SFI1: variants seen among roughly 807,000 people sequenced by gnomAD.
The protein encoded by SFI1 is SFI1 centrin binding protein.
Under a neutral mutation model 207.5 loss-of-function variants are expected in SFI1, and 195 were observed. The observed-to-expected ratio is 0.94, with a 90% CI of 0.84 to 1.06. SFI1 has a LOEUF of 1.06. SFI1 is among the 50% of genes least tolerant of loss of function. The pLI is 0.00. For missense variants in SFI1, 1,634 were observed against 1,588.0 expected, an observed-to-expected ratio of 1.03 and a Z score of -0.49; for synonymous variants, 630 against 598.9, an observed-to-expected ratio of 1.05 and a Z score of -0.76.
chr22:31,584,962 C>T, intron 13 of SFI1, 106 bp from the exon 14 acceptor site: 1 of 777,350 alleles, frequency 1.3e-6, no homozygotes, highest in Non-Finnish European at 2.1e-6. Context: ...CTAGTAAGCC[C>T]ATGGGGTGCC....
intron 4 of SFI1, among the ~76,000 whole-genome samples, chr22:31,532,808 ACTT>A (rs2058648429): frequency 6.6e-6 from 1 of 152,054 alleles, no homozygotes; most frequent in South Asian, 2.1e-4. Flanking sequence ...AAGAGAAAAA[ACTT>A]ACTTGCAAGG....
In SFI1 at chr22:31,508,313, T is replaced by C. The variant is rs761304885; in HGVS notation, c.29T>C (p.Ile10Thr). 9 of 1,613,202 alleles carry C rather than the reference T, an allele frequency of 5.6e-6. No individual in the cohort carries two copies. In the Admixed American group the frequency reaches 1.5e-4, roughly 27 times the overall value. Residue 10 changes from isoleucine (I) to threonine (T), a missense_variant, in exon 2 of 33, where the codon ATA (isoleucine) becomes ACA (threonine). Ile to Thr is a moderately conservative substitution (Grantham distance 89). Transcript: ENST00000400288. MKNLLTEKCISSHNFHQKVI... is the reference protein window; with the variant it reads MKNLLTEKCTSSHNFHQKVI... ...AAGAATCTGCTCACTGAGAAGTGTA[T>C]ATCAAGCCACAATTTCCATCAAAAA...
At chr22:31,612,994 CCAGGCACAAGGCTGG>C in intron 24 of SFI1, 133 bp from the exon 25 acceptor site, 1 of 744,252 alleles carries the variant, frequency 1.3e-6, no homozygotes, top group Non-Finnish European at 2.2e-6. Flanking sequence ...CATCTCACCG[CCAGGCACAAGGCTGG>C]CCCTTCCTAG....
intron 2 of SFI1, among the ~76,000 whole-genome samples, chr22:31,518,059 G>T (rs567560773): frequency 1.3e-5 from 2 of 152,006 alleles, no homozygotes; most frequent in African/African-American, 4.8e-5. Context: ...CAATCTTGGC[G>T]CACTGCAATG....
rs1424077848 is a variant in SFI1, at chr22:31,496,572, G to T, written c.-96G>T. On this transcript the variant is annotated 5_prime_UTR_variant, in exon 1 of 33. Transcript: ENST00000400288. ...GGACCGCGCGGGAGTTAAGAAGCAG[G>T]TCCCGGATCGCCGTATACCGCCGGG... 1 of 152,258 alleles carries T rather than the reference G, an allele frequency of 6.6e-6. No individual in the cohort carries two copies. The highest frequency in any genetic ancestry group is 1.9e-4 in the East Asian group (1 of 5,176). 9.4% of individuals were successfully genotyped at this position (152,258 alleles called of 1,614,324 possible). A position where few individuals can be genotyped will look rare whatever the true frequency, so the allele number is the denominator to read the frequency against.
chr22:31,568,891 T>G (rs1268661910), intron 8 of SFI1, among the ~76,000 whole-genome samples: 1 of 152,150 alleles, frequency 6.6e-6, no homozygotes, highest in Admixed American at 6.6e-5. Context: ...CCCAGTAGAT[T>G]GAAAACATCA....
At chr22:31,512,822 G>A (rs1159277583) in intron 2 of SFI1, among the ~76,000 whole-genome samples, 6 of 152,118 alleles carry the variant, frequency 3.9e-5, no homozygotes, top group Non-Finnish European at 8.8e-5. Flanking sequence ...AAGTACCTGG[G>A]ACTACAGGCG....
chr22:31,570,556 GA>G (rs1361759303), intron 8 of SFI1, among the ~76,000 whole-genome samples: 1 of 152,156 alleles, frequency 6.6e-6, no homozygotes, highest in Non-Finnish European at 1.5e-5. Context: ...GCCAGGATGG[GA>G]GGTACATTTG....
chr22:31,507,487 A>T (rs749592626), intron 1 of SFI1, among the ~76,000 whole-genome samples: 19 of 152,230 alleles, frequency 1.2e-4, no homozygotes, highest in Non-Finnish European at 2.5e-4. Context: ...ATTGCAACAG[A>T]ATCACAAATT....
chr22:31,509,542 T>C (rs1325542885), intron 2 of SFI1, among the ~76,000 whole-genome samples: 3 of 152,204 alleles, frequency 2.0e-5, no homozygotes, highest in African/African-American at 7.2e-5. Context: ...CTGCCTGCTT[T>C]TCCTAGTGGT....
At chr22:31,534,838 T>C (rs1208936396) in intron 4 of SFI1, among the ~76,000 whole-genome samples, 1 of 152,008 alleles carries the variant, frequency 6.6e-6, no homozygotes, top group East Asian at 1.9e-4. Context: ...TGTGTTATTC[T>C]GCTCCTTATC....
chr22:31,573,784 G>A (rs1006841406), intron 9 of SFI1, among the ~76,000 whole-genome samples: 1 of 152,146 alleles, frequency 6.6e-6, no homozygotes, highest in African/African-American at 2.4e-5. Flanking sequence ...TTTGCTATAA[G>A]TATTGTAATT....
chr22:31,566,429 G>A (rs1216057174), intron 8 of SFI1, among the ~76,000 whole-genome samples: 2 of 152,064 alleles, frequency 1.3e-5, no homozygotes, highest in Non-Finnish European at 2.9e-5. Context: ...TCTGTTTCTC[G>A]GCTCTGTCTT....
chr22:31,496,981 G>A (rs957205223), intron 1 of SFI1, among the ~76,000 whole-genome samples: 2 of 152,206 alleles, frequency 1.3e-5, no homozygotes, highest in African/African-American at 4.8e-5. Context: ...TAGCGTGCGC[G>A]GATCCAAATC....
At chr22:31,528,577 T>C in intron 2 of SFI1, 113 bp from the exon 3 acceptor site, 1 of 924,324 alleles carries the variant, frequency 1.1e-6, no homozygotes, top group Non-Finnish European at 1.7e-6. Flanking sequence ...AGCATAGGTA[T>C]TGTCAGTCTC....
chr22:31,533,883 C>T (rs928576108), intron 4 of SFI1, among the ~76,000 whole-genome samples: 10 of 152,196 alleles, frequency 6.6e-5, no homozygotes, highest in Admixed American at 5.9e-4. Flanking sequence ...CCACTGTTAG[C>T]TTAGAAGTTA....
chr22:31,603,059 C>T (rs1456067156), intron 17 of SFI1, among the ~76,000 whole-genome samples: 2 of 152,164 alleles, frequency 1.3e-5, no homozygotes, highest in African/African-American at 2.4e-5. Context: ...ATGGAGAAAA[C>T]CCTCTCTATT....
chr22:31,561,227 G>A, intron 7 of SFI1, 63 bp from the exon 8 acceptor site: 3 of 1,442,712 alleles, frequency 2.1e-6, no homozygotes, highest in Non-Finnish European at 2.9e-6. Flanking sequence ...CACACTAACT[G>A]CTCCTCTCTT....
intron 9 of SFI1, 101 bp from the exon 10 acceptor site, chr22:31,575,130 A>G: frequency 2.3e-6 from 2 of 882,486 alleles, no homozygotes; most frequent in Non-Finnish European, 1.6e-6. Context: ...GTGGCCTTGA[A>G]CCCCTGCTCT....
Sources: allele counts gnomAD v4.1 joint callset (sites outside exome capture counted in the v4.1 genomes callset), GRCh38; gene constraint gnomAD v4.1.1; transcripts MANE v1.5; gene names NCBI Gene and HGNC (gene_info 2026-07-23, HGNC 2026-07-21).